The following HSF2BP variants were observed in gnomAD, a reference collection of about 807,000 sequenced individuals.
HSF2BP encodes the protein heat shock transcription factor 2 binding protein.
Under a neutral mutation model 35.0 loss-of-function variants are expected in HSF2BP, and 35 were observed. That is an observed-to-expected ratio of 1.00 (90% CI 0.76 to 1.32). The LOEUF is 1.32. HSF2BP is among the 40% of genes most tolerant of loss of function. The probability of loss-of-function intolerance (pLI) is 0.00; values close to 1 mark genes in which losing one functional copy is unlikely to be tolerated. For missense variants in HSF2BP, 326 were observed against 321.7 expected (o/e 1.01, Z -0.10); for synonymous variants, 114 against 117.4 (o/e 0.97, Z 0.18).
chr21:43,612,254 G>A (rs2146912470), intron 7 of HSF2BP, among the ~76,000 whole-genome samples: 1 of 152,272 alleles, frequency 6.6e-6, no homozygotes, highest in East Asian at 1.9e-4. Flanking sequence ...GAAGAAACAG[G>A]AAAATCTCAA....
intron 6 of HSF2BP, among the ~76,000 whole-genome samples, chr21:43,623,534 T>C (rs1323219172): frequency 6.6e-6 from 1 of 152,210 alleles, no homozygotes; most frequent in Non-Finnish European, 1.5e-5. Flanking sequence ...GTTATCTCCG[T>C]AGTCCAACAA....
the HSF2BP span, among the ~76,000 whole-genome samples, chr21:43,458,067 T>C: frequency 1.1e-5 from 1 of 92,416 alleles, no homozygotes; most frequent in Non-Finnish European, 2.2e-5. Context: ...AGCAAGTGGC[T>C]CCCCCTGCCC....
intron 7 of HSF2BP, among the ~76,000 whole-genome samples, chr21:43,605,427 A>C (rs2082121638): frequency 7.3e-6 from 1 of 136,796 alleles, no homozygotes; most frequent in Non-Finnish European, 1.6e-5. Flanking sequence ...ACACACTCCA[A>C]CACACACACA....
At chr21:43,583,743 G>A (rs528015364) in intron 8 of HSF2BP, among the ~76,000 whole-genome samples, 14 of 133,664 alleles carry the variant, frequency 1.0e-4, no homozygotes, top group Admixed American at 3.1e-4. Context: ...AGGACCTGCC[G>A]AGGGAGATGA....
intron 2 of HSF2BP, chr21:43,657,749 T>C: frequency 1.2e-6 from 1 of 811,744 alleles, no homozygotes; most frequent in Non-Finnish European, 1.5e-6. Context: ...GGAGGGGAAC[T>C]GGGCTTCCAC....
At chr21:43,595,766 CAG>C (rs1365415439) in intron 7 of HSF2BP, among the ~76,000 whole-genome samples, 7 of 22,120 alleles carry the variant, frequency 3.2e-4, no homozygotes, top group Non-Finnish European at 4.2e-4. Context: ...TTTTGTGAAA[CAG>C]AGTTAGAGTG....
chr21:43,648,597 G>A (rs1050670588), intron 3 of HSF2BP, among the ~76,000 whole-genome samples: 1 of 152,210 alleles, frequency 6.6e-6, no homozygotes, highest in East Asian at 1.9e-4. Context: ...ATATGGATGT[G>A]ACACACTCTT....
intron 4 of HSF2BP, among the ~76,000 whole-genome samples, chr21:43,636,250 AAAGAAAAGAAAAGAAAAG>A (rs1349619251): frequency 7.1e-6 from 1 of 139,890 alleles, no homozygotes; most frequent in Non-Finnish European, 1.5e-5. Context: ...AAAGAAAAGA[AAAGAAAAGAAAAGAAAAG>A]AAAAAACGAA....
the HSF2BP span, among the ~76,000 whole-genome samples, chr21:43,467,847 A>ACAC: frequency 7.1e-3 from 811 of 114,238 alleles, 17 homozygotes; most frequent in African/African-American, 0.026. Context: ...CACACCACAT[A>ACAC]CACACCACAC....
rs1277447944 is a variant in HSF2BP, at chr21:43,658,122, G to C, written c.-26C>G. On this transcript the variant is annotated 5_prime_UTR_variant, in exon 2 of 9. Coordinates refer to ENST00000291560, the MANE Select transcript of HSF2BP (RefSeq NM_007031.2). ...GGCCGCTGCCGCCTCCGCTCCGTTC[G>C]CCTGAGCGTCGGCGCGCCCTCTGAC... 17 of 1,519,156 alleles carry C rather than the reference G, an allele frequency of 1.1e-5. No individual in the cohort carries two copies. The Middle Eastern group carries it at 5.1e-4, about 45-fold the overall frequency. The allele number at this position is 1,519,156 out of a possible 1,614,324, so 94.1% of individuals were successfully genotyped here. A position where few individuals can be genotyped will look rare whatever the true frequency, so the allele number is the denominator to read the frequency against.
intron 7 of HSF2BP, among the ~76,000 whole-genome samples, chr21:43,599,336 T>G (rs561118722): frequency 7.1e-4 from 108 of 152,254 alleles, no homozygotes; most frequent in Non-Finnish European, 1.3e-3. Context: ...CACACAAGAG[T>G]TAGCAAAAAA....
intron 7 of HSF2BP, among the ~76,000 whole-genome samples, chr21:43,607,089 G>C (rs1399793999): frequency 2.6e-5 from 4 of 152,094 alleles, no homozygotes; most frequent in Non-Finnish European, 5.9e-5. Context: ...AGGAGTTCAA[G>C]ACCAGCTTGT....
At chr21:43,590,151 A>G (rs2081908397) in intron 8 of HSF2BP, among the ~76,000 whole-genome samples, 1 of 152,286 alleles carries the variant, frequency 6.6e-6, no homozygotes, top group Admixed American at 6.5e-5. Flanking sequence ...AACCGAATAC[A>G]TAAAGAACTC....
intron 8 of HSF2BP, among the ~76,000 whole-genome samples, chr21:43,590,344 T>C (rs1301160006): frequency 6.6e-6 from 1 of 152,176 alleles, no homozygotes; most frequent in Admixed American, 6.5e-5. Context: ...TGTCTAAAAT[T>C]AAAGAGAATG....
chr21:43,604,926 A>G (rs1336432216), intron 7 of HSF2BP, among the ~76,000 whole-genome samples: 4 of 64,434 alleles, frequency 6.2e-5, no homozygotes, highest in Non-Finnish European at 8.4e-5. Flanking sequence ...AAGACACATC[A>G]CATACCACAG....
intron 8 of HSF2BP, among the ~76,000 whole-genome samples, chr21:43,581,993 TGTGG>T (rs2081747491): frequency 8.7e-6 from 1 of 114,974 alleles, no homozygotes; most frequent in Non-Finnish European, 1.7e-5. Flanking sequence ...GAGGGCCTGC[TGTGG>T]GAGATGAGTG....
intron 8 of HSF2BP, among the ~76,000 whole-genome samples, chr21:43,574,091 G>T (rs911504865): frequency 2.6e-5 from 4 of 152,168 alleles, no homozygotes; most frequent in African/African-American, 7.2e-5. Flanking sequence ...GCTCTCACAG[G>T]GGGAGGAGGC....
chr21:43,585,764 G>A (rs529445037), intron 8 of HSF2BP, among the ~76,000 whole-genome samples: 1 of 152,308 alleles, frequency 6.6e-6, no homozygotes, highest in East Asian at 1.9e-4. Context: ...GAGATTAAAA[G>A]GAGTCAAGGA....
At chr21:43,628,863 C>T (rs1289271690) in intron 6 of HSF2BP, among the ~76,000 whole-genome samples, 1 of 152,190 alleles carries the variant, frequency 6.6e-6, no homozygotes, top group Non-Finnish European at 1.5e-5. Context: ...AAGAATTATG[C>T]TAAATCTACT....
Sources: gnomAD v4.1 joint callset for allele counts (sites outside exome capture counted in the v4.1 genomes callset) on GRCh38, gnomAD v4.1.1 for gene constraint, MANE v1.5 for transcripts, NCBI Gene and HGNC (gene_info 2026-07-23, HGNC 2026-07-21) for gene names.